Variants in NALF1 observed in about 807,000 individuals in gnomAD.
The protein encoded by NALF1 is NALCN channel auxiliary factor 1, also known as family with sequence similarity 155 member A.
A neutral mutation model predicts 48.4 loss-of-function variants in NALF1; 3 were observed. That is an observed-to-expected ratio of 0.06 (90% CI 0.03 to 0.16). The LOEUF is 0.16. NALF1 is among the 10% of genes least tolerant of loss of function. The pLI is 1.00. For synonymous variants in NALF1, 262 were observed against 245.7 expected, an observed-to-expected ratio of 1.07 and a Z score of -0.62; for missense variants, 526 against 571.5, an observed-to-expected ratio of 0.92 and a Z score of 0.81.
At chr13:107,740,024 A>T (rs1476717810) in intron 1 of NALF1, among the ~76,000 whole-genome samples, 4 of 152,134 alleles carry the variant, frequency 2.6e-5, no homozygotes, top group Admixed American at 6.6e-5. Flanking sequence ...ATTATGGTGT[A>T]ATAATAATAG....
chr13:107,808,768 T>G (rs1878892285), intron 1 of NALF1, among the ~76,000 whole-genome samples: 1 of 151,986 alleles, frequency 6.6e-6, no homozygotes, highest in Admixed American at 6.6e-5. Context: ...CTTCCCGATA[T>G]CTCACAAAAT....
At chr13:107,482,375 T>G (rs1885267324) in intron 1 of NALF1, among the ~76,000 whole-genome samples, 1 of 152,162 alleles carries the variant, frequency 6.6e-6, no homozygotes, top group Non-Finnish European at 1.5e-5. Context: ...ATTGGTTATG[T>G]GTCTCCAGAG....
At chr13:107,777,536 A>C (rs1877772268) in intron 1 of NALF1, among the ~76,000 whole-genome samples, 1 of 152,234 alleles carries the variant, frequency 6.6e-6, no homozygotes, top group East Asian at 1.9e-4. Flanking sequence ...CTTGTTTAAA[A>C]GCGTGTGGCA....
At chr13:107,286,718 G>A (rs533582920) in intron 1 of NALF1, among the ~76,000 whole-genome samples, 26 of 152,168 alleles carry the variant, frequency 1.7e-4, no homozygotes, top group South Asian at 6.2e-4. Flanking sequence ...GAAACAGAAC[G>A]ACATATTGAT....
chr13:107,839,081 T>C (rs1367985957), intron 1 of NALF1, among the ~76,000 whole-genome samples: 5 of 152,020 alleles, frequency 3.3e-5, no homozygotes, highest in Admixed American at 2.6e-4. Context: ...CACCCTGAAT[T>C]AAACTAATAA....
At chr13:107,844,708 G>A (rs367608553) in intron 1 of NALF1, among the ~76,000 whole-genome samples, 1 of 152,136 alleles carries the variant, frequency 6.6e-6, no homozygotes, top group Non-Finnish European at 1.5e-5. Context: ...TGAAGAGATG[G>A]ATTTGTTTAA....
At chr13:107,861,492 A>G (rs1003701621) in intron 1 of NALF1, among the ~76,000 whole-genome samples, 2 of 152,214 alleles carry the variant, frequency 1.3e-5, no homozygotes, top group African/African-American at 4.8e-5. Flanking sequence ...CTTCTTAAAA[A>G]ACTATTTCTT....
At chr13:107,490,348 A>C (rs1200493872) in intron 1 of NALF1, among the ~76,000 whole-genome samples, 1 of 152,204 alleles carries the variant, frequency 6.6e-6, no homozygotes, top group Non-Finnish European at 1.5e-5. Context: ...GATAGACTGG[A>C]TAAAGAAAAT....
chr13:107,368,684 G>T (rs753806633), intron 1 of NALF1, among the ~76,000 whole-genome samples: 1 of 152,114 alleles, frequency 6.6e-6, no homozygotes, highest in Non-Finnish European at 1.5e-5. Flanking sequence ...AAGGACATTT[G>T]TGATTACATT....
chr13:107,239,492 C>T (rs977639975), intron 1 of NALF1, among the ~76,000 whole-genome samples: 51 of 152,204 alleles, frequency 3.4e-4, no homozygotes, highest in African/African-American at 1.2e-3. Context: ...ATCATTTTAA[C>T]TTGATTACAT....
intron 1 of NALF1, among the ~76,000 whole-genome samples, chr13:107,696,353 G>T (rs891309570): frequency 1.3e-5 from 2 of 152,172 alleles, no homozygotes; most frequent in African/African-American, 2.4e-5. Context: ...TAATCATAGT[G>T]GACATCCATT....
Position 107,198,247 on chromosome 13 carries a change from A to T in NALF1, c.1087+12337T>A, listed in dbSNP as rs184282558. Among the ~76,000 whole-genome samples, 15 of 152,334 alleles carry T rather than the reference A, an allele frequency of 9.8e-5. No homozygotes were observed. The East Asian group carries it at 2.9e-3, about 29-fold the overall frequency. ...CAGTTTCCTGAGCTGATGGGTTTTCAGATTTAGGTCTAAAGTCTTCCAATT... is the reference window on the plus strand; with the variant it reads ...CAGTTTCCTGAGCTGATGGGTTTTCTGATTTAGGTCTAAAGTCTTCCAATT... On this transcript the variant is annotated intron_variant, in intron 2 of 2. Transcript: ENST00000375915.
chr13:107,710,715 T>G (rs1875547460), intron 1 of NALF1, among the ~76,000 whole-genome samples: 1 of 150,730 alleles, frequency 6.6e-6, no homozygotes, highest in South Asian at 2.1e-4. Flanking sequence ...CCTCAACACG[T>G]GGGGATTACA....
intron 1 of NALF1, among the ~76,000 whole-genome samples, chr13:107,846,532 G>A (rs1880176452): frequency 6.6e-6 from 1 of 152,148 alleles, no homozygotes; most frequent in African/African-American, 2.4e-5. Context: ...TAAACAAAAT[G>A]TGGGAAAATC....
At chr13:107,475,921 GGA>G (rs1380729680) in intron 1 of NALF1, among the ~76,000 whole-genome samples, 3 of 152,030 alleles carry the variant, frequency 2.0e-5, no homozygotes, top group Admixed American at 2.0e-4. Context: ...CATGGACCCA[GGA>G]GAGTTATAAA....
At chr13:107,617,633 C>A (rs954145953) in intron 1 of NALF1, among the ~76,000 whole-genome samples, 2 of 152,146 alleles carry the variant, frequency 1.3e-5, no homozygotes, top group Non-Finnish European at 2.9e-5. Flanking sequence ...AAGCCACCAA[C>A]TGAATGAAAA....
rs200133690 is a variant in NALF1 at position 107,279,043 on chromosome 13, CTT to C, written c.916-68290_916-68289del. Reference sequence around the variant, plus strand: ...GTCTTTCCTTTTCTTTTCTTTTCTTCTTTTTTTTTTTTTTTTTTGCACAAATT... The same window carrying C: ...GTCTTTCCTTTTCTTTTCTTTTCTTCTTTTTTTTTTTTTTTTGCACAAATT... On this transcript the variant is annotated intron_variant, in intron 1 of 2. Coordinates refer to ENST00000375915, the MANE Select transcript of NALF1 (RefSeq NM_001080396.3). Among the ~76,000 whole-genome samples, 72 of 122,900 alleles carry C rather than the reference CTT, an allele frequency of 5.9e-4. 1 individual carries two copies. The East Asian group carries it at 0.011, about 20-fold the overall frequency. 80.6% of individuals were successfully genotyped at this position (122,900 alleles called of 152,430 possible).
At chr13:107,837,062 T>C (rs1479441526) in intron 1 of NALF1, among the ~76,000 whole-genome samples, 12 of 152,204 alleles carry the variant, frequency 7.9e-5, no homozygotes, top group Admixed American at 5.9e-4. Context: ...ACGATCTCTT[T>C]AATCCATGAT....
chr13:107,524,089 A>G (rs886736300), intron 1 of NALF1, among the ~76,000 whole-genome samples: 1 of 152,176 alleles, frequency 6.6e-6, no homozygotes, highest in African/African-American at 2.4e-5. Flanking sequence ...ATTTTTAAAA[A>G]TTCTAAACAG....
Sources: allele counts gnomAD v4.1 joint callset (sites outside exome capture counted in the v4.1 genomes callset), GRCh38; gene constraint gnomAD v4.1.1; transcripts MANE v1.5; gene names NCBI Gene and HGNC (gene_info 2026-07-23, HGNC 2026-07-21).